Variants in GPATCH2 observed in about 807,000 individuals in gnomAD.
The protein encoded by GPATCH2 is G patch domain-containing protein 2.
GPATCH2 carries 51 observed loss-of-function variants against 58.0 expected under a neutral mutation model. That is an observed-to-expected ratio of 0.88 (90% CI 0.70 to 1.11). The LOEUF is 1.11. Among genes scored for constraint, GPATCH2 ranks in the 50% most tolerant of loss-of-function variants. GPATCH2 has a pLI of 0.00. For synonymous variants in GPATCH2, 222 were observed against 218.5 expected (o/e 1.02, Z -0.14); for missense variants, 625 against 652.2 (o/e 0.96, Z 0.45).
rs952370456 is a variant in GPATCH2, at chr1:217,427,770, A to G, written c.*3375T>C. On this transcript the variant is annotated 3_prime_UTR_variant, in exon 10 of 10. Transcript: ENST00000366935. Reference sequence around the variant, plus strand: ...AAAATAAAGTGTACTGAATAGAAGCAATTGTCAGTTCAATTTACAAGAATG... The same window carrying G: ...AAAATAAAGTGTACTGAATAGAAGCGATTGTCAGTTCAATTTACAAGAATG... 1 of 152,196 alleles carries G rather than the reference A, an allele frequency of 6.6e-6. No homozygotes were observed. The highest frequency in any genetic ancestry group is 1.5e-5 in the Non-Finnish European group (1 of 68,016). The allele number at this position is 152,196 out of a possible 1,614,324, so 9.4% of individuals were successfully genotyped here.
At chr1:217,482,293 T>C (rs1471020693) in intron 8 of GPATCH2, among the ~76,000 whole-genome samples, 2 of 152,154 alleles carry the variant, frequency 1.3e-5, no homozygotes, top group Non-Finnish European at 2.9e-5. Context: ...ACAAAGACCA[T>C]GTATTCACGA....
rs929224796 is a variant in GPATCH2 at position 217,542,324 on chromosome 1, C to T, written c.1099-27435G>A. On this transcript the variant is annotated intron_variant, in intron 5 of 9. Transcript: ENST00000366935. ...GTAGGAGACGCAGTGACACAGTCTC[C>T]GATTCCCTGGCCCAGGCCTGGCCAT... 2.0e-5 allele frequency among the ~76,000 whole-genome samples: 3 copies of T among 152,202 alleles called. No homozygotes were observed. In the East Asian group the frequency reaches 5.8e-4, roughly 29 times the overall value.
In GPATCH2 at chr1:217,620,320, T is replaced by C. The variant is rs2102840967; in HGVS notation, c.236A>G (p.His79Arg). 3.1e-6 allele frequency: 5 copies of C among 1,614,110 alleles called. No individual in the cohort carries two copies. Among genetic ancestry groups the C allele is most frequent in the East Asian group, 2.2e-5 (1 of 44,854 alleles). The stretch of plus-strand genomic sequence containing the variant: ...GCAGTGACCAGTCTCCCACGGGTGA[T>C]GCACATTATACGACCTCCGTTTTCT... ...RGRKRRSYNV[H>R]HPWETGHCLS... Residue 79 changes from histidine to arginine, a missense_variant, in exon 2 of 10, where the codon CAT becomes CGT. His to Arg is a conservative substitution (Grantham distance 29, BLOSUM62 0). Coordinates refer to ENST00000366935, the MANE Select transcript of GPATCH2 (RefSeq NM_018040.5).
intron 5 of GPATCH2, among the ~76,000 whole-genome samples, chr1:217,561,591 C>T (rs1489054986): frequency 6.6e-6 from 1 of 152,172 alleles, no homozygotes; most frequent in Non-Finnish European, 1.5e-5. Flanking sequence ...GTGCCAAGTT[C>T]ATTTTCAAAA....
chr1:217,609,983 C>T (rs2102813631), intron 5 of GPATCH2: 2 of 1,367,072 alleles, frequency 1.5e-6, no homozygotes, highest in South Asian at 1.9e-5. Flanking sequence ...GTCAGGTTCA[C>T]TTCTGACTAA....
rs968107038 is a variant in GPATCH2, at chr1:217,561,497, G to A, written c.1099-46608C>T. Among the ~76,000 whole-genome samples the A allele has an allele frequency of 2.6e-5, 4 of 152,176 alleles. No individual in the cohort carries two copies. The East Asian group carries it at 5.8e-4, about 22-fold the overall frequency. The stretch of plus-strand genomic sequence containing the variant: ...GTGTGTGTGTATTTAATGCATTTTA[G>A]GCAAGCCCACCATATTCAGTAGAAA... On this transcript the variant is annotated intron_variant, in intron 5 of 9. Coordinates refer to ENST00000366935, the MANE Select transcript of GPATCH2 (RefSeq NM_018040.5).
intron 5 of GPATCH2, among the ~76,000 whole-genome samples, chr1:217,524,557 C>G (rs1663715953): frequency 6.6e-6 from 1 of 151,792 alleles, no homozygotes; most frequent in Non-Finnish European, 1.5e-5. Context: ...CCACTGCACT[C>G]CAGCCTCGGC....
chr1:217,604,548 G>A (rs17666678), intron 5 of GPATCH2, among the ~76,000 whole-genome samples: 20,954 of 151,998 alleles, frequency 0.14, 1,603 homozygotes, highest in Non-Finnish European at 0.18. Flanking sequence ...AGTTCACAGG[G>A]GTTAAAATAA....
chr1:217,584,299 C>T (rs1389174658), intron 5 of GPATCH2, among the ~76,000 whole-genome samples: 1 of 144,478 alleles, frequency 6.9e-6, no homozygotes, highest in Non-Finnish European at 1.5e-5. Flanking sequence ...TTCAAATCAG[C>T]CTGGCCAACA....
Position 217,543,936 on chromosome 1 carries a change from A to T in GPATCH2, c.1099-29047T>A, listed in dbSNP as rs1664889547. Among the ~76,000 whole-genome samples, 3 of 152,326 alleles carry T rather than the reference A, an allele frequency of 2.0e-5. No homozygotes were observed. In the South Asian group the frequency reaches 6.2e-4, roughly 32 times the overall value. ...TCTTTCTCAGGCTCGCTTGGCTAAC[A>T]GTTGTATTGCTTCTGTAATGTGAAT... On this transcript the variant is annotated intron_variant, in intron 5 of 9. Transcript: ENST00000366935.
At chr1:217,476,059 G>A (rs377741264) in intron 8 of GPATCH2, among the ~76,000 whole-genome samples, 166 of 151,974 alleles carry the variant, frequency 1.1e-3, no homozygotes, top group Middle Eastern at 6.8e-3. Flanking sequence ...TCTGTCAAGA[G>A]GCGTCTGATG....
chr1:217,588,527 A>C (rs1056808337), intron 5 of GPATCH2, among the ~76,000 whole-genome samples: 1 of 152,120 alleles, frequency 6.6e-6, no homozygotes, highest in Non-Finnish European at 1.5e-5. Context: ...ACTTAATTGA[A>C]CCATAAGACA....
chr1:217,571,718 A>C (rs2102718862), intron 5 of GPATCH2, among the ~76,000 whole-genome samples: 1 of 148,214 alleles, frequency 6.7e-6, no homozygotes, highest in African/African-American at 2.5e-5. Flanking sequence ...AAAAAAAAAA[A>C]AACAAAAAAG....
At chr1:217,577,953 G>T (rs537858419) in intron 5 of GPATCH2, among the ~76,000 whole-genome samples, 152 of 151,662 alleles carry the variant, frequency 1.0e-3, no homozygotes, top group African/African-American at 3.6e-3. Flanking sequence ...CTCCATGTTG[G>T]TCAGGCTGGT....
At chr1:217,563,560 C>T (rs1214824022) in intron 5 of GPATCH2, among the ~76,000 whole-genome samples, 1 of 152,120 alleles carries the variant, frequency 6.6e-6, no homozygotes, top group African/African-American at 2.4e-5. Flanking sequence ...GGTACATTTT[C>T]CTATTATTTG....
intron 5 of GPATCH2, among the ~76,000 whole-genome samples, chr1:217,516,282 G>A (rs1457278063): frequency 1.3e-5 from 2 of 151,870 alleles, no homozygotes; most frequent in Admixed American, 6.6e-5. Flanking sequence ...AGAATGGGGG[G>A]AAAAGCATGA....
intron 8 of GPATCH2, among the ~76,000 whole-genome samples, chr1:217,470,389 G>C (rs1416125358): frequency 2.0e-5 from 3 of 152,170 alleles, no homozygotes; most frequent in African/African-American, 4.8e-5. Context: ...TAAGTAATAA[G>C]AGTTTCACTA....
intron 5 of GPATCH2, among the ~76,000 whole-genome samples, chr1:217,551,435 G>A (rs1665355070): frequency 6.6e-6 from 1 of 152,020 alleles, no homozygotes; most frequent in Non-Finnish European, 1.5e-5. Flanking sequence ...AACTGGAAGT[G>A]GACTCAGCAA....
chr1:217,592,654 C>T (rs1667644139), intron 5 of GPATCH2, among the ~76,000 whole-genome samples: 1 of 151,880 alleles, frequency 6.6e-6, no homozygotes, highest in African/African-American at 2.4e-5. Flanking sequence ...GAAAACCAAA[C>T]TGATTTCAAT....
Sources: gnomAD v4.1 joint callset for allele counts (sites outside exome capture counted in the v4.1 genomes callset) on GRCh38, gnomAD v4.1.1 for gene constraint, MANE v1.5 for transcripts, NCBI Gene and HGNC (gene_info 2026-07-23, HGNC 2026-07-21) for gene names.